USP22: variants seen among roughly 807,000 people sequenced by gnomAD.
USP22 encodes the protein ubiquitin specific peptidase 22.
In USP22, 22 loss-of-function variants were observed where a neutral mutation model predicts 68.1. That is an observed-to-expected ratio of 0.32 (90% CI 0.23 to 0.46). The LOEUF (loss-of-function observed/expected upper bound fraction) is 0.46. USP22 is among the 20% of genes least tolerant of loss of function. The pLI, the probability that USP22 is intolerant of heterozygous loss-of-function variation, is 1.00. For synonymous variants in USP22, 279 were observed against 274.2 expected, an observed-to-expected ratio of 1.02 and a Z score of -0.17; for missense variants, 433 against 695.8, an observed-to-expected ratio of 0.62 and a Z score of 4.25.
intron 6 of USP22, 48 bp from the exon 7 acceptor site, chr17:21,012,983 G>A: frequency 1.3e-6 from 2 of 1,579,468 alleles, no homozygotes; most frequent in Non-Finnish European, 1.7e-6. Context: ...CAAATATGGG[G>A]AGTCTCTAAG....
intron 8 of USP22, 52 bp downstream of exon 8, chr17:21,011,099 C>T (rs1230355616): frequency 6.5e-7 from 1 of 1,529,614 alleles, no homozygotes; most frequent in Non-Finnish European, 8.8e-7. Flanking sequence ...TGATGGAGCA[C>T]AGCCTTCTGG....
chr17:21,004,464 G>A, intron 11 of USP22, 113 bp from the exon 12 acceptor site: 1 of 1,347,344 alleles, frequency 7.4e-7, no homozygotes, highest in Non-Finnish European at 1.0e-6. Context: ...CTGTGGGCCT[G>A]TCAACCCCCA....
At chr17:21,042,374 A>AGAGAGGAGGGGGAGGGGACC in intron 1 of USP22, 1 of 170,880 alleles carries the variant, frequency 5.9e-6, no homozygotes. Context: ...GGGAGGGGAC[A>AGAGAGGAGGGGGAGGGGACC]GAGAGGAGGG....
intron 10 of USP22, chr17:21,006,367 G>C (rs1215843743): frequency 2.1e-5 from 3 of 145,400 alleles, no homozygotes; most frequent in East Asian, 2.0e-4. Context: ...TTGCCGGTTT[G>C]AAAGTGGATT....
chr17:21,001,356 A>G lies in USP22; in HGVS notation c.*1675T>C, dbSNP rs1044410. On this transcript the variant is annotated 3_prime_UTR_variant, in exon 13 of 13. Coordinates refer to ENST00000261497, the MANE Select transcript of USP22 (RefSeq NM_015276.2). ...GTGAGTAGCAGCTGCCACTGTCACT[A>G]CCCCCTCCCCAGCCCAGCCAGCTAA... is the stretch of plus-strand genomic sequence containing the variant. 0.75 allele frequency: 113,589 copies of G among 152,000 alleles called. 42,855 individuals carry two copies. Among genetic ancestry groups the G allele is most frequent in the South Asian group, 0.82 (3,975 of 4,822 alleles). The allele number at this position is 152,000 out of a possible 1,614,324, so 9.4% of individuals were successfully genotyped here.
chr17:21,040,044 G>C (rs545289132), intron 1 of USP22, among the ~76,000 whole-genome samples: 1 of 152,154 alleles, frequency 6.6e-6, no homozygotes, highest in Non-Finnish European at 1.5e-5. Flanking sequence ...ACAAATATTA[G>C]CCGGTCGTGG....
intron 2 of USP22, among the ~76,000 whole-genome samples, chr17:21,027,830 C>T (rs1021060318): frequency 7.2e-5 from 11 of 152,140 alleles, no homozygotes; most frequent in Non-Finnish European, 1.3e-4. Flanking sequence ...ATTAGCCAGG[C>T]GTGGTAGCAG....
chr17:21,000,163 T>C lies in USP22; in HGVS notation c.*2868A>G, dbSNP rs1403903030. Reference sequence around the variant, plus strand: ...TGGGGTCACCAAGGGGGCCCCTTAGTGGTCAGATGCACTTTGTCACAATGT... The same window carrying C: ...TGGGGTCACCAAGGGGGCCCCTTAGCGGTCAGATGCACTTTGTCACAATGT... On this transcript the variant is annotated 3_prime_UTR_variant, in exon 13 of 13. Coordinates refer to ENST00000261497, the MANE Select transcript of USP22 (RefSeq NM_015276.2). The C allele has an allele frequency of 1.3e-5, 2 of 152,212 alleles. No homozygotes were observed. The highest frequency in any genetic ancestry group is 4.8e-5 in the African/African-American group (2 of 41,460). The allele number at this position is 152,212 out of a possible 1,614,324, so 9.4% of individuals were successfully genotyped here. A position where few individuals can be genotyped will look rare whatever the true frequency, so the allele number is the denominator to read the frequency against.
chr17:21,027,393 T>TA (rs1461293407), intron 2 of USP22, among the ~76,000 whole-genome samples: 1 of 151,718 alleles, frequency 6.6e-6, no homozygotes, highest in Non-Finnish European at 1.5e-5. Flanking sequence ...TAGAGAGCTG[T>TA]AAGGGACGTG....
intron 2 of USP22, among the ~76,000 whole-genome samples, chr17:21,027,353 G>A (rs963516786): frequency 6.7e-6 from 1 of 148,562 alleles, no homozygotes; most frequent in Non-Finnish European, 1.5e-5. Context: ...TAAAGCCGTG[G>A]GTCTTATCCT....
At chr17:21,033,142 G>C (rs2143631804) in intron 1 of USP22, among the ~76,000 whole-genome samples, 1 of 152,136 alleles carries the variant, frequency 6.6e-6, no homozygotes, top group Middle Eastern at 3.4e-3. Flanking sequence ...TGGTGTGGTG[G>C]CTCCTGCAGA....
In USP22 at chr17:21,015,868, G is replaced by C. The variant is rs764139084; in HGVS notation, c.722C>G (p.Pro241Arg). Reference sequence around the variant, plus strand: ...CCACACCAGGTGCAGCAACTTATACGGGATGTGAGGGGACCGGTGTCCAGA... The same window carrying C: ...CCACACCAGGTGCAGCAACTTATACCGGATGTGAGGGGACCGGTGTCCAGA... ...FYSGHRSPHI[P>R]YKLLHLVWTH... Residue 241 changes from proline to arginine, a missense_variant, in exon 6 of 13, where the codon CCG becomes CGG. Coordinates refer to ENST00000261497, the MANE Select transcript of USP22 (RefSeq NM_015276.2). 1 of 1,614,102 alleles carries C rather than the reference G, an allele frequency of 6.2e-7. No homozygotes were observed. The highest frequency in any genetic ancestry group is 1.1e-5 in the South Asian group (1 of 91,062).
chr17:21,029,850 C>T (rs1032738284), intron 1 of USP22, among the ~76,000 whole-genome samples: 2 of 152,194 alleles, frequency 1.3e-5, no homozygotes, highest in Admixed American at 6.5e-5. Context: ...AATCCACCAA[C>T]ACAACTCAGG....
At chr17:21,039,891 A>G (rs1365923347) in intron 1 of USP22, among the ~76,000 whole-genome samples, 1 of 152,180 alleles carries the variant, frequency 6.6e-6, no homozygotes, top group African/African-American at 2.4e-5. Flanking sequence ...GTACTTTTAC[A>G]GTCAAGTTCA....
Position 21,042,658 on chromosome 17 carries a change from G to C in USP22, c.171+7C>G. On this transcript the variant is annotated splice_region_variant and intron_variant, in intron 1 of 12. Coordinates refer to ENST00000261497, the MANE Select transcript of USP22 (RefSeq NM_015276.2). ...GAGCCCGCCGCGCGGTGGGCTGCCG[G>C]GCGCACCTTGCGCTTGCGGGCCTCA... The C allele has an allele frequency of 7.9e-7, 1 of 1,267,752 alleles. No individual in the cohort carries two copies. The highest frequency in any genetic ancestry group is 3.1e-5 in the East Asian group (1 of 31,982). 78.5% of individuals were successfully genotyped at this position (1,267,752 alleles called of 1,614,324 possible). A position where few individuals can be genotyped will look rare whatever the true frequency, so the allele number is the denominator to read the frequency against.
At chr17:21,021,626 T>C (rs150862621) in intron 2 of USP22, among the ~76,000 whole-genome samples, 2,261 of 152,294 alleles carry the variant, frequency 0.015, 20 homozygotes, top group Non-Finnish European at 0.023. Flanking sequence ...CCTGACACCA[T>C]CACCATAAAG....
chr17:21,035,423 C>T (rs1972341136), intron 1 of USP22, among the ~76,000 whole-genome samples: 1 of 151,964 alleles, frequency 6.6e-6, no homozygotes, highest in Non-Finnish European at 1.5e-5. Context: ...CCTAAGCTTC[C>T]ATCCGCTTAA....
intron 10 of USP22, 181 bp downstream of exon 10, chr17:21,006,715 T>C (rs1413142622): frequency 5.3e-6 from 2 of 379,084 alleles, no homozygotes; most frequent in African/African-American, 2.1e-5. Flanking sequence ...ATGTTGGCCA[T>C]GATGGTCTCA....
chr17:21,015,834 C>T lies in USP22; in HGVS notation c.756G>A (p.Ala252=), dbSNP rs375910145. Residue 252 remains alanine, a synonymous_variant, in exon 6 of 13, where the codon GCG becomes GCA. Transcript: ENST00000261497. ...YKLLHLVWTH[A]RHLAGYEQQD... ...GCTGCTCGTAGCCTGCTAGGTGCCT[C>T]GCGTGGGTCCACACCAGGTGCAGCA... is the stretch of plus-strand genomic sequence containing the variant. 53 of 1,614,010 alleles carry T rather than the reference C, an allele frequency of 3.3e-5. No individual in the cohort carries two copies. Among genetic ancestry groups the T allele is most frequent in the Middle Eastern group, 1.7e-4 (1 of 6,040 alleles).
Sources: allele counts gnomAD v4.1 joint callset (sites outside exome capture counted in the v4.1 genomes callset), GRCh38; gene constraint gnomAD v4.1.1; transcripts MANE v1.5; gene names NCBI Gene and HGNC (gene_info 2026-07-23, HGNC 2026-07-21).